Variants in MLC1 observed in about 807,000 individuals in gnomAD.
MLC1 encodes the protein modulator of VRAC current 1.
In MLC1, 32 loss-of-function variants were observed where a neutral mutation model predicts 44.7. The ratio of observed to expected loss-of-function variants is 0.72; its 90% CI spans 0.54 to 0.96. The LOEUF (loss-of-function observed/expected upper bound fraction) is 0.96, where lower values mean the gene tolerates loss of function less well. Ranked by LOEUF, MLC1 falls within the 40% of genes least tolerant of loss-of-function variation. The probability of loss-of-function intolerance (pLI) is 0.00; values close to 1 mark genes in which losing one functional copy is unlikely to be tolerated. For synonymous variants in MLC1, 190 were observed against 213.0 expected (o/e 0.89, Z 0.94); for missense variants, 459 against 492.2 (o/e 0.93, Z 0.64).
intron 11 of MLC1, 77 bp from the exon 12 acceptor site, chr22:50,061,734 C>G (rs2061563050): frequency 7.4e-7 from 1 of 1,359,426 alleles, no homozygotes; most frequent in Non-Finnish European, 1.0e-6. Flanking sequence ...CACTCGGCCA[C>G]AGGCAGCGAG....
At chr22:50,085,205 C>T in intron 1 of MLC1, 150 bp downstream of exon 1, 1 of 1,270,072 alleles carries the variant, frequency 7.9e-7, no homozygotes, top group African/African-American at 1.5e-5. Flanking sequence ...CTGGGCCCTC[C>T]AGGTGCAACA....
chr22:50,059,864 T>C lies in MLC1; in HGVS notation c.*1719A>G, dbSNP rs1204933736. 1.3e-5 allele frequency: 2 copies of C among 152,334 alleles called. No individual in the cohort carries two copies. Among genetic ancestry groups the C allele is most frequent in the African/African-American group, 4.8e-5 (2 of 41,458 alleles). 9.4% of individuals were successfully genotyped at this position (152,334 alleles called of 1,614,324 possible). On this transcript the variant is annotated 3_prime_UTR_variant, in exon 12 of 12. Transcript: ENST00000311597. ...CCCTCTAGGAGCAGCTGGGAAGGTG[T>C]CTTGCCTGCATCCCCCTTCAATGGT...
At chr22:50,084,100 C>T (rs75672532) in intron 2 of MLC1, among the ~76,000 whole-genome samples, 56 of 152,258 alleles carry the variant, frequency 3.7e-4, no homozygotes, top group African/African-American at 1.3e-3. Flanking sequence ...CTACACGGAA[C>T]CGGGGGTCCC....
At chr22:50,082,860 T>G (rs2062180679) in intron 3 of MLC1, among the ~76,000 whole-genome samples, 1 of 152,122 alleles carries the variant, frequency 6.6e-6, no homozygotes, top group African/African-American at 2.4e-5. Context: ...AGATGGGGTT[T>G]GTCCATGTTG....
In MLC1 at chr22:50,060,696, C is replaced by T. The variant is rs1201429487; in HGVS notation, c.*887G>A. On this transcript the variant is annotated 3_prime_UTR_variant, in exon 12 of 12. Transcript: ENST00000311597. ...CCACCCCCAAGAACACTGCCTGTCA[C>T]AGCAGCGGCCACGTGGCACTCCAAG... 6.6e-6 allele frequency: 1 copy of T among 152,420 alleles called. No individual in the cohort carries two copies. Among genetic ancestry groups the T allele is most frequent in the African/African-American group, 2.4e-5 (1 of 41,418 alleles). 9.4% of individuals were successfully genotyped at this position (152,420 alleles called of 1,614,324 possible).
intron 9 of MLC1, among the ~76,000 whole-genome samples, 157 bp from the exon 10 acceptor site, chr22:50,068,712 CT>C (rs1344167950): frequency 8.6e-5 from 12 of 139,004 alleles, no homozygotes; most frequent in Non-Finnish European, 1.4e-4. Flanking sequence ...TCTGCCTTTT[CT>C]TTTTTCTTTT....
intron 9 of MLC1, among the ~76,000 whole-genome samples, chr22:50,070,210 A>G (rs1283942221): frequency 6.6e-6 from 1 of 151,464 alleles, no homozygotes; most frequent in African/African-American, 2.4e-5. Context: ...CTCAAAAAAG[A>G]AAAAAAAACA....
At chr22:50,075,254 A>G (rs2061951667) in intron 7 of MLC1, among the ~76,000 whole-genome samples, 1 of 152,088 alleles carries the variant, frequency 6.6e-6, no homozygotes, top group Non-Finnish European at 1.5e-5. Context: ...CACACGCCCG[A>G]AAACCTGCTC....
intron 7 of MLC1, among the ~76,000 whole-genome samples, chr22:50,075,126 TCAGGGAGGGGCCGCAAC>T: frequency 7.1e-6 from 1 of 141,794 alleles, no homozygotes; most frequent in South Asian, 2.1e-4. Flanking sequence ...ACCGCCAGAC[TCAGGGAGGGGCCGCAAC>T]CAGCACCGCC....
chr22:50,083,157 G>A lies in MLC1; in HGVS notation c.194C>T (p.Thr65Ile). The part of the protein sequence containing the change: ...SVLMGSCLLV[T>I]SGFSLYLGNV... ...CCCCAGGTACAGCGAAAACCCCGAG[G>A]TCACCAGGAGGCAGCTCTGCAAGAC... Residue 65 changes from threonine (T) to isoleucine (I), a missense_variant, in exon 3 of 12, where the codon ACC (threonine) becomes ATC (isoleucine). Coordinates refer to ENST00000311597, the MANE Select transcript of MLC1 (RefSeq NM_015166.4). The surrounding 1 kb of genome is among the most constrained non-coding windows in gnomAD (Gnocchi z 4.6). 1 of 1,614,060 alleles carries A rather than the reference G, an allele frequency of 6.2e-7. No individual in the cohort carries two copies.
intron 5 of MLC1, among the ~76,000 whole-genome samples, chr22:50,078,226 G>A (rs111346078): frequency 0.023 from 3,540 of 151,644 alleles, 132 homozygotes; most frequent in African/African-American, 0.08. Flanking sequence ...CCTGACCTCA[G>A]GTGTTCCGCC....
intron 8 of MLC1, chr22:50,072,876 C>T (rs772405761): frequency 1.2e-4 from 19 of 152,482 alleles, no homozygotes; most frequent in Admixed American, 1.1e-3. Context: ...CTGCCTGGGT[C>T]TCTTTCCCTC....
Position 50,064,249 on chromosome 22 carries a change from A to G in MLC1, c.895-51T>C, listed in dbSNP as rs935432751. On this transcript the variant is annotated intron_variant, in intron 10 of 11. Coordinates refer to ENST00000311597, the MANE Select transcript of MLC1 (RefSeq NM_015166.4). The stretch of plus-strand genomic sequence containing the variant: ...GAGTGGCCCAGCCGCCCTCCAGCCC[A>G]GGAGACCAAAGCTCCCTCGTGCCCA... 5.2e-6 allele frequency: 8 copies of G among 1,548,268 alleles called. No individual in the cohort carries two copies. The African/African-American group carries it at 9.5e-5, about 18-fold the overall frequency.
chr22:50,076,767 C>T (rs1259269921), intron 7 of MLC1, 74 bp downstream of exon 7: 16 of 1,520,066 alleles, frequency 1.1e-5, no homozygotes, highest in East Asian at 2.3e-5. Flanking sequence ...GGAATCGAAA[C>T]GTGACGTTTA....
intron 11 of MLC1, among the ~76,000 whole-genome samples, chr22:50,062,564 C>G (rs1259426859): frequency 6.6e-6 from 1 of 152,246 alleles, no homozygotes; most frequent in African/African-American, 2.4e-5. Context: ...ACGGGGTCAG[C>G]TGAGAAACGA....
At chr22:50,072,468 G>T (rs2061876801) in intron 8 of MLC1, among the ~76,000 whole-genome samples, 1 of 152,210 alleles carries the variant, frequency 6.6e-6, no homozygotes. Flanking sequence ...CTGAAGAGAG[G>T]GTTGGGAGTG....
chr22:50,078,150 G>A (rs923858932), intron 5 of MLC1, among the ~76,000 whole-genome samples: 2 of 151,836 alleles, frequency 1.3e-5, no homozygotes, highest in Admixed American at 6.6e-5. Flanking sequence ...CTACCAGCAC[G>A]CCCGGCTAAT....
intron 1 of MLC1, 153 bp downstream of exon 1, chr22:50,085,202 C>T (rs1044500073): frequency 3.1e-6 from 4 of 1,277,026 alleles, no homozygotes; most frequent in African/African-American, 3.0e-5. Flanking sequence ...CATCTGGGCC[C>T]TCCAGGTGCA....
Position 50,083,035 on chromosome 22 carries a change from C to G in MLC1, c.267+49G>C. 1.3e-6 allele frequency: 2 copies of G among 1,547,726 alleles called. No individual in the cohort carries two copies. The highest frequency in any genetic ancestry group is 4.5e-5 in the East Asian group (2 of 44,582). On this transcript the variant is annotated intron_variant, in intron 3 of 11. Coordinates refer to ENST00000311597, the MANE Select transcript of MLC1 (RefSeq NM_015166.4). This position sits in a 1 kb window ranked among gnomAD's most constrained non-coding sequence, Gnocchi z 4.6. The stretch of plus-strand genomic sequence containing the variant: ...ATCTCAGAACAAAGAAACCAGAGCA[C>G]GTGCCGGCGAGCTTGGGCACTGGCA...
Sources: allele counts gnomAD v4.1 joint callset (sites outside exome capture counted in the v4.1 genomes callset), GRCh38; gene constraint gnomAD v4.1.1; non-coding constraint Gnocchi (gnomAD v3.1); transcripts MANE v1.5; gene names NCBI Gene and HGNC (gene_info 2026-07-23, HGNC 2026-07-21).